The following PCDHGA3 variants were observed in gnomAD, a reference collection of about 807,000 sequenced individuals.
The protein encoded by PCDHGA3 is protocadherin gamma subfamily A, 3.
A neutral mutation model predicts 58.5 loss-of-function variants in PCDHGA3; 40 were observed. The ratio of observed to expected loss-of-function variants is 0.68; its 90% CI spans 0.53 to 0.89. The LOEUF (loss-of-function observed/expected upper bound fraction) is 0.89, where lower values mean the gene tolerates loss of function less well. PCDHGA3 is among the 40% of genes least tolerant of loss of function. PCDHGA3 has a pLI of 0.00. For synonymous variants in PCDHGA3, 530 were observed against 525.7 expected, an observed-to-expected ratio of 1.01 and a Z score of -0.11; for missense variants, 1,223 against 1,195.9, an observed-to-expected ratio of 1.02 and a Z score of -0.33.
intron 1 of PCDHGA3, among the ~76,000 whole-genome samples, chr5:141,448,106 A>G (rs1308837314): frequency 1.3e-5 from 2 of 151,996 alleles, no homozygotes. Context: ...AAATTAAAAG[A>G]AAAGAAAATT....
Position 141,415,740 on chromosome 5 carries a change from GTTTTTTTTTTTTTTTT to G in PCDHGA3, c.2424+69300_2424+69315del, listed in dbSNP as rs57426385. 54 of 625,040 alleles carry G rather than the reference GTTTTTTTTTTTTTTTT, an allele frequency of 8.6e-5. 1 individual carries two copies. The East Asian group carries it at 1.4e-3, about 16-fold the overall frequency. The allele number at this position is 625,040 out of a possible 1,614,324, so 38.7% of individuals were successfully genotyped here. ...TGAGTAGAATTTGATGTTTATTAAG[GTTTTTTTTTTTTTTTT>G]TTTTTTTTTTTTTTTTACTTTCTGG... On this transcript the variant is annotated intron_variant, in intron 1 of 3. Transcript: ENST00000253812.
In PCDHGA3 at chr5:141,409,944, C is replaced by T. The variant is rs779095634; in HGVS notation, c.2424+63487C>T. The T allele has an allele frequency of 6.2e-7, 1 of 1,613,302 alleles. No individual in the cohort carries two copies. The highest frequency in any genetic ancestry group is 1.7e-5 in the Admixed American group (1 of 60,024). On this transcript the variant is annotated intron_variant, in intron 1 of 3. Transcript: ENST00000253812. ...GCGTTCTTCGATATGGTACCTCGCTCTGCAGAGCCCGGCTACCTAGTGACT... is the reference window on the plus strand; with the variant it reads ...GCGTTCTTCGATATGGTACCTCGCTTTGCAGAGCCCGGCTACCTAGTGACT...
chr5:141,404,610 T>C lies in PCDHGA3; in HGVS notation c.2424+58153T>C, dbSNP rs1207198913. ...AATGTGTCATTGAGACTGTTTGTTTTGGACCAGAATGACAATGCCCCAGAA... is the reference window on the plus strand; with the variant it reads ...AATGTGTCATTGAGACTGTTTGTTTCGGACCAGAATGACAATGCCCCAGAA... On this transcript the variant is annotated intron_variant, in intron 1 of 3. Transcript: ENST00000253812. 1 of 1,614,130 alleles carries C rather than the reference T, an allele frequency of 6.2e-7. No homozygotes were observed. Among genetic ancestry groups the C allele is most frequent in the African/African-American group, 1.3e-5 (1 of 75,054 alleles).
chr5:141,404,705 G>A, intron 1 of PCDHGA3: 2 of 1,614,108 alleles, frequency 1.2e-6, no homozygotes, highest in South Asian at 2.2e-5. Flanking sequence ...TGCAGAGCCT[G>A]GCTACCTGGT....
chr5:141,344,754 A>T lies in PCDHGA3; in HGVS notation c.721A>T (p.Met241Leu). ...CCTGGATGCAAATGACAACCCACCAATGTTTACTCAGCCTGAGTACCGTGT... is the reference window on the plus strand; with the variant it reads ...CCTGGATGCAAATGACAACCCACCATTGTTTACTCAGCCTGAGTACCGTGT... ...IVLDANDNPP[M>L]FTQPEYRVSV... is the part of the protein sequence containing the mutation. The change falls in exon 1 of 4, where the codon ATG (methionine) becomes TTG (leucine). Residue 241 changes from methionine to leucine, a missense_variant. Met to Leu is a conservative substitution (Grantham distance 15). Around this residue, in one of 3 missense-constraint regions of PCDHGA3, gnomAD observed 791 missense variants for 708.5 expected, o/e 1.12. Coordinates refer to ENST00000253812, the MANE Select transcript of PCDHGA3 (RefSeq NM_018916.4). 1 of 1,613,914 alleles carries T rather than the reference A, an allele frequency of 6.2e-7. No individual in the cohort carries two copies. The highest frequency in any genetic ancestry group is 2.2e-5 in the East Asian group (1 of 44,878).
chr5:141,350,982 A>C (rs562278000), intron 1 of PCDHGA3: 1 of 1,614,086 alleles, frequency 6.2e-7, no homozygotes, highest in Admixed American at 1.7e-5. Context: ...GTGTTTAGCC[A>C]GGAGGTATAC....
At chr5:141,409,294 G>T (rs1438036410) in intron 1 of PCDHGA3, 11 of 1,613,826 alleles carry the variant, frequency 6.8e-6, no homozygotes, top group South Asian at 1.1e-5. Flanking sequence ...CTCCAGGAAT[G>T]GTTGTTGCCC....
rs775204388 is a variant in PCDHGA3, at chr5:141,490,235, G to T, written c.2425-4572G>T. On this transcript the variant is annotated intron_variant, in intron 1 of 3. Transcript: ENST00000253812. This position sits in a 1 kb window ranked among gnomAD's most constrained non-coding sequence, Gnocchi z 5.4. ...GACCAGGGACAGCCTGCCATGGAGG[G>T]CCACTGTGTGATTCAAGTGGATGTG... 1 of 1,614,228 alleles carries T rather than the reference G, an allele frequency of 6.2e-7. No homozygotes were observed. The highest frequency in any genetic ancestry group is 1.1e-5 in the South Asian group (1 of 91,084).
At position 141,344,394 on chromosome 5, in the gene PCDHGA3, A is replaced by G. The variant is rs747092049; in HGVS notation, c.361A>G (p.Ile121Val). 9.3e-6 allele frequency: 15 copies of G among 1,611,866 alleles called. No homozygotes were observed. The highest frequency in any genetic ancestry group is 1.1e-5 in the Non-Finnish European group (13 of 1,178,980). ...TAAATTGAAAATTTTTGAAGTAGAA[A>G]TAGAAATTAAAGATATTAATGATAA... The part of the protein sequence containing the change: ...EDKLKIFEVE[I>V]EIKDINDNAP... Residue 121 changes from isoleucine (I) to valine (V), a missense_variant, in exon 1 of 4, where the codon ATA (isoleucine) becomes GTA (valine). By Grantham distance (29) the Ile-to-Val change is conservative. This residue lies in a region of PCDHGA3 where 791 missense variants were observed against 708.5 expected (regional missense o/e 1.12). Transcript: ENST00000253812.
intron 1 of PCDHGA3, chr5:141,356,664 T>A: frequency 6.2e-7 from 1 of 1,613,996 alleles, no homozygotes; most frequent in Non-Finnish European, 8.5e-7. Flanking sequence ...CCCGAATCAC[T>A]TACTCCCTGG....
At chr5:141,430,652 A>G in intron 1 of PCDHGA3, 1 of 1,069,464 alleles carries the variant, frequency 9.4e-7, no homozygotes. Context: ...ATGTGGAAAC[A>G]ACGGAGGAGC....
chr5:141,486,909 C>A lies in PCDHGA3; in HGVS notation c.2425-7898C>A, dbSNP rs759702188. On this transcript the variant is annotated intron_variant, in intron 1 of 3. Coordinates refer to ENST00000253812, the MANE Select transcript of PCDHGA3 (RefSeq NM_018916.4). The surrounding 1 kb of genome is among the most constrained non-coding windows in gnomAD (Gnocchi z 5.0). ...CGGCCTGGTTCCTTATGTCCCCAAGCACTGCCTCCATCAGTTGGTGCTGGC... is the reference window on the plus strand; with the variant it reads ...CGGCCTGGTTCCTTATGTCCCCAAGAACTGCCTCCATCAGTTGGTGCTGGC... 3.1e-6 allele frequency: 5 copies of A among 1,614,262 alleles called. No individual in the cohort carries two copies. The East Asian group carries it at 1.1e-4, about 36-fold the overall frequency.
chr5:141,426,958 C>A (rs1176636556), intron 1 of PCDHGA3: 1 of 456,728 alleles, frequency 2.2e-6, no homozygotes, highest in South Asian at 1.5e-5. Context: ...GGCACTGCTG[C>A]AATTCAAATT....
At chr5:141,426,451 C>A in intron 1 of PCDHGA3, 1 of 308,946 alleles carries the variant, frequency 3.2e-6, no homozygotes, top group South Asian at 3.0e-5. Flanking sequence ...GGACATGCGG[C>A]TGCATGTTCA....
rs1758338902 is a variant in PCDHGA3, at chr5:141,349,687, G to A, written c.2424+3230G>A. Among the ~76,000 whole-genome samples, 3 of 151,866 alleles carry A rather than the reference G, an allele frequency of 2.0e-5. No individual in the cohort carries two copies. The South Asian group carries it at 6.2e-4, about 32-fold the overall frequency. ...GCTTATTCCAATGAATTTACAGAAA[G>A]GTAGGTATTTTAGTCAACTAAAAAT... is the stretch of plus-strand genomic sequence containing the variant. On this transcript the variant is annotated intron_variant, in intron 1 of 3. Transcript: ENST00000253812.
chr5:141,408,061 G>C, intron 1 of PCDHGA3: 1 of 1,332,898 alleles, frequency 7.5e-7, no homozygotes, highest in Non-Finnish European at 1.0e-6. Flanking sequence ...CCTCCCGGCT[G>C]CGCAGACCTT....
At chr5:141,364,355 G>T in intron 1 of PCDHGA3, 1 of 1,555,424 alleles carries the variant, frequency 6.4e-7, no homozygotes, top group Non-Finnish European at 8.7e-7. Context: ...TAGGGGCTGG[G>T]GCTGCGGAGA....
chr5:141,443,317 CA>C (rs35054295), intron 1 of PCDHGA3, among the ~76,000 whole-genome samples: 28 of 142,048 alleles, frequency 2.0e-4, no homozygotes, highest in Non-Finnish European at 2.6e-4. Flanking sequence ...CCCATCTCTA[CA>C]AAAAAAAAAA....
At position 141,485,727 on chromosome 5, in the gene PCDHGA3, G is replaced by T. The variant is rs773176318; in HGVS notation, c.2425-9080G>T. The T allele has an allele frequency of 3.1e-6, 5 of 1,614,196 alleles. No homozygotes were observed. In the Admixed American group the frequency reaches 5.0e-5, roughly 16 times the overall value. Reference sequence around the variant, plus strand: ...CACTTTGCACTGGATGTGAAGAAGCGCAGCGACGGCAGCCTGGTCCCAGAG... The same window carrying T: ...CACTTTGCACTGGATGTGAAGAAGCTCAGCGACGGCAGCCTGGTCCCAGAG... On this transcript the variant is annotated intron_variant, in intron 1 of 3. Transcript: ENST00000253812. The surrounding 1 kb of genome is among the most constrained non-coding windows in gnomAD (Gnocchi z 5.7).
Sources: allele counts gnomAD v4.1 joint callset (sites outside exome capture counted in the v4.1 genomes callset), GRCh38; gene constraint gnomAD v4.1.1; regional missense constraint gnomAD v4.1.1; non-coding constraint Gnocchi (gnomAD v3.1); transcripts MANE v1.5; gene names NCBI Gene and HGNC (gene_info 2026-07-23, HGNC 2026-07-21).